The following KALRN variants were observed in gnomAD, a reference collection of about 807,000 sequenced individuals.
The protein encoded by KALRN is kalirin RhoGEF kinase, also known as kalirin.
Under a neutral mutation model 353.7 loss-of-function variants are expected in KALRN, and 70 were observed. The observed-to-expected ratio is 0.20, with a 90% CI of 0.16 to 0.24. The LOEUF is 0.24. KALRN is among the 10% of genes least tolerant of loss of function. The probability of loss-of-function intolerance (pLI) is 1.00; values close to 1 mark genes in which losing one functional copy is unlikely to be tolerated. For missense variants in KALRN, 2,791 were observed against 3,756.7 expected, an observed-to-expected ratio of 0.74 and a Z score of 6.72; for synonymous variants, 1,391 against 1,434.8, an observed-to-expected ratio of 0.97 and a Z score of 0.69.
chr3:124,256,835 C>T (rs1407364491), intron 3 of KALRN, among the ~76,000 whole-genome samples: 1 of 152,196 alleles, frequency 6.6e-6, no homozygotes, highest in Non-Finnish European at 1.5e-5. Context: ...AAGCAGAAAC[C>T]TCGCAGTGAT....
intron 30 of KALRN, 38 bp from the exon 31 acceptor site, chr3:124,491,284 TC>T (rs2063137021): frequency 9.9e-7 from 1 of 1,015,160 alleles, no homozygotes; most frequent in African/African-American, 1.7e-5. Context: ...CCCACTGCCC[TC>T]CCCTTCCCCG....
intron 5 of KALRN, among the ~76,000 whole-genome samples, chr3:124,286,078 C>CCTTCCTTTCTTT (rs1211227262): frequency 9.4e-6 from 1 of 106,938 alleles, no homozygotes; most frequent in African/African-American, 3.8e-5. Flanking sequence ...TTCTTTCTTT[C>CCTTCCTTTCTTT]CTTCCTTTCT....
chr3:124,052,247 G>A (rs1262567820), intron 1 of KALRN, among the ~76,000 whole-genome samples: 1 of 152,216 alleles, frequency 6.6e-6, no homozygotes. Flanking sequence ...CATCCTGACA[G>A]TCAGCAAATG....
At chr3:124,678,069 C>T (rs2087391895) in intron 49 of KALRN, 121 bp from the exon 50 acceptor site, 5 of 1,081,882 alleles carry the variant, frequency 4.6e-6, no homozygotes, top group East Asian at 2.5e-5. Context: ...GGTTTGGGGC[C>T]TCTGAAGCCC....
Position 124,722,666 on chromosome 3 carries a change from T to C in KALRN, c.*3196T>C, listed in dbSNP as rs968229848. ...GGCAACCGTGCTTAGGGAAAAAGGA[T>C]CAGGGGCCACTCTTGTTCCTGTTTT... is the stretch of plus-strand genomic sequence containing the variant. On this transcript the variant is annotated 3_prime_UTR_variant, in exon 60 of 60. Transcript: ENST00000682506. The C allele has an allele frequency of 6.6e-6, 1 of 152,126 alleles. No individual in the cohort carries two copies. The highest frequency in any genetic ancestry group is 2.4e-5 in the African/African-American group (1 of 41,406). The allele number at this position is 152,126 out of a possible 1,614,324, so 9.4% of individuals were successfully genotyped here.
At chr3:124,440,947 C>T (rs1169526918) in intron 18 of KALRN, among the ~76,000 whole-genome samples, 3 of 151,648 alleles carry the variant, frequency 2.0e-5, no homozygotes, top group Non-Finnish European at 2.9e-5. Context: ...CAGTCTTGTC[C>T]ATCAGCACAG....
At chr3:124,207,198 G>A (rs984929936) in intron 1 of KALRN, among the ~76,000 whole-genome samples, 1 of 152,200 alleles carries the variant, frequency 6.6e-6, no homozygotes, top group Non-Finnish European at 1.5e-5. Context: ...CCACATTACT[G>A]GGCCATCACT....
chr3:124,254,821 T>TG (rs754579857), intron 3 of KALRN, among the ~76,000 whole-genome samples: 10 of 152,326 alleles, frequency 6.6e-5, no homozygotes, highest in Non-Finnish European at 1.3e-4. Flanking sequence ...GCTGGTCTCC[T>TG]GCTTCCTTAC....
At chr3:124,364,633 A>C (rs2084435847) in intron 10 of KALRN, among the ~76,000 whole-genome samples, 1 of 152,106 alleles carries the variant, frequency 6.6e-6, no homozygotes, top group Non-Finnish European at 1.5e-5. Flanking sequence ...TTTTGTCCTA[A>C]AGCAAATCTC....
At chr3:124,528,443 A>T (rs1577736076) in intron 33 of KALRN, among the ~76,000 whole-genome samples, 1 of 152,164 alleles carries the variant, frequency 6.6e-6, no homozygotes, top group South Asian at 2.1e-4. Flanking sequence ...TAGCTTCCCT[A>T]TGTCCTCTCC....
intron 1 of KALRN, among the ~76,000 whole-genome samples, chr3:124,097,351 T>C (rs866315483): frequency 1.3e-5 from 2 of 152,246 alleles, no homozygotes; most frequent in Admixed American, 6.5e-5. Context: ...TTAGATTTGA[T>C]CTTTCTTAAG....
At chr3:124,236,987 A>G (rs563944085) in intron 3 of KALRN, among the ~76,000 whole-genome samples, 190 of 152,314 alleles carry the variant, frequency 1.2e-3, no homozygotes, top group Non-Finnish European at 1.6e-3. Flanking sequence ...GCATTCATGA[A>G]GAGTGTAAGT....
At chr3:124,673,806 C>T (rs758113256) in intron 48 of KALRN, among the ~76,000 whole-genome samples, 1 of 152,064 alleles carries the variant, frequency 6.6e-6, no homozygotes. Flanking sequence ...CTGGTGCCTG[C>T]AGGAAGTTGG....
intron 51 of KALRN, among the ~76,000 whole-genome samples, chr3:124,683,590 C>T (rs1256721533): frequency 6.6e-6 from 1 of 152,164 alleles, no homozygotes; most frequent in African/African-American, 2.4e-5. Flanking sequence ...TAAAACAAAA[C>T]AAAACCCAAT....
At chr3:124,123,509 A>T (rs1470010565) in intron 1 of KALRN, among the ~76,000 whole-genome samples, 1 of 152,234 alleles carries the variant, frequency 6.6e-6, no homozygotes, top group Non-Finnish European at 1.5e-5. Context: ...AGGTTGGTTC[A>T]TGAGACTGAG....
At chr3:124,611,781 C>T (rs1000503832) in intron 34 of KALRN, among the ~76,000 whole-genome samples, 30 of 152,350 alleles carry the variant, frequency 2.0e-4, no homozygotes, top group African/African-American at 7.2e-4. Flanking sequence ...TGTCCCTTCA[C>T]CCACCAGCTG....
chr3:124,257,101 C>T (rs954417571), intron 3 of KALRN, among the ~76,000 whole-genome samples: 4 of 152,220 alleles, frequency 2.6e-5, no homozygotes, highest in African/African-American at 9.7e-5. Context: ...ACATTTTCAA[C>T]AGGCTTCTGT....
intron 3 of KALRN, among the ~76,000 whole-genome samples, chr3:124,262,094 A>AG (rs2072958889): frequency 6.6e-6 from 1 of 152,198 alleles, no homozygotes; most frequent in South Asian, 2.1e-4. Context: ...GGATACAGGA[A>AG]GGGGGTGGTA....
At chr3:124,580,463 C>T (rs769865823) in intron 34 of KALRN, among the ~76,000 whole-genome samples, 1 of 152,264 alleles carries the variant, frequency 6.6e-6, no homozygotes, top group Middle Eastern at 3.4e-3. Context: ...TTAAATGCTT[C>T]CCTCCTGATT....
Sources: allele counts gnomAD v4.1 joint callset (sites outside exome capture counted in the v4.1 genomes callset), GRCh38; gene constraint gnomAD v4.1.1; transcripts MANE v1.5; gene names NCBI Gene and HGNC (gene_info 2026-07-23, HGNC 2026-07-21).